Variants in NALF1 observed in about 807,000 individuals in gnomAD.
NALF1 encodes NALCN channel auxiliary factor 1.
Under a neutral mutation model 48.4 loss-of-function variants are expected in NALF1, and 3 were observed. That is an observed-to-expected ratio of 0.06 (90% CI 0.03 to 0.16). NALF1 has a LOEUF of 0.16. Among genes scored for constraint, NALF1 ranks in the 10% least tolerant of loss-of-function variants. The probability of loss-of-function intolerance (pLI) is 1.00; values close to 1 mark genes in which losing one functional copy is unlikely to be tolerated. For synonymous variants in NALF1, 262 were observed against 245.7 expected, an observed-to-expected ratio of 1.07 and a Z score of -0.62; for missense variants, 526 against 571.5, an observed-to-expected ratio of 0.92 and a Z score of 0.81.
intron 1 of NALF1, among the ~76,000 whole-genome samples, chr13:107,318,279 T>G (rs12584865): frequency 6.6e-6 from 1 of 152,128 alleles, no homozygotes; most frequent in Non-Finnish European, 1.5e-5. Context: ...TGTTATCAAC[T>G]GCACAATTCC....
At chr13:107,433,545 T>C (rs1288223412) in intron 1 of NALF1, among the ~76,000 whole-genome samples, 1 of 152,056 alleles carries the variant, frequency 6.6e-6, no homozygotes, top group Non-Finnish European at 1.5e-5. Context: ...CTGCACATTG[T>C]GCACATGTAC....
intron 1 of NALF1, among the ~76,000 whole-genome samples, chr13:107,739,689 C>A (rs1594237833): frequency 6.6e-6 from 1 of 152,246 alleles, no homozygotes; most frequent in South Asian, 2.1e-4. Context: ...TCCCCAACCC[C>A]AGGTCCATTA....
chr13:107,203,957 G>A (rs899058360), intron 2 of NALF1, among the ~76,000 whole-genome samples: 1 of 152,204 alleles, frequency 6.6e-6, no homozygotes, highest in Non-Finnish European at 1.5e-5. Flanking sequence ...GGGAGGCAGA[G>A]CTCTCCCTGC....
chr13:107,439,457 T>C (rs1009865138), intron 1 of NALF1, among the ~76,000 whole-genome samples: 7 of 152,216 alleles, frequency 4.6e-5, no homozygotes, highest in Non-Finnish European at 7.3e-5. Context: ...TATTGATATG[T>C]TGGACTAGGT....
At position 107,189,053 on chromosome 13, in the gene NALF1, T is replaced by C. The variant is rs903013935; in HGVS notation, c.1088-18267A>G. Reference sequence around the variant, plus strand: ...GACTGAAAAACGATACTAAATGAAATGAAAATCAAAGGCCCACATTAAAAT... The same window carrying C: ...GACTGAAAAACGATACTAAATGAAACGAAAATCAAAGGCCCACATTAAAAT... On this transcript the variant is annotated intron_variant, in intron 2 of 2. Coordinates refer to ENST00000375915, the MANE Select transcript of NALF1 (RefSeq NM_001080396.3). Among the ~76,000 whole-genome samples the C allele has an allele frequency of 4.6e-5, 7 of 152,132 alleles. No individual in the cohort carries two copies. In the South Asian group the frequency reaches 6.2e-4, roughly 13 times the overall value.
chr13:107,640,739 T>C (rs147345463), intron 1 of NALF1, among the ~76,000 whole-genome samples: 55 of 152,338 alleles, frequency 3.6e-4, no homozygotes, highest in Non-Finnish European at 6.2e-4. Flanking sequence ...ATATATTTGG[T>C]ATTTGTGTTA....
intron 1 of NALF1, among the ~76,000 whole-genome samples, chr13:107,399,225 A>G (rs572165885): frequency 3.9e-5 from 6 of 152,254 alleles, no homozygotes; most frequent in African/African-American, 1.4e-4. Context: ...GTTGTATACA[A>G]ATTATATAAC....
chr13:107,710,171 GA>G (rs1218835348), intron 1 of NALF1, among the ~76,000 whole-genome samples: 1 of 147,322 alleles, frequency 6.8e-6, no homozygotes, highest in African/African-American at 2.5e-5. Flanking sequence ...AAAGAAACAA[GA>G]AAAAAAAGAA....
chr13:107,528,660 G>T (rs1876523624), intron 1 of NALF1, among the ~76,000 whole-genome samples: 1 of 152,132 alleles, frequency 6.6e-6, no homozygotes, highest in Admixed American at 6.6e-5. Flanking sequence ...GGTCAACATA[G>T]ATAACATAGT....
intron 1 of NALF1, among the ~76,000 whole-genome samples, chr13:107,375,891 C>T (rs1351151145): frequency 6.6e-6 from 1 of 151,866 alleles, no homozygotes; most frequent in Admixed American, 6.6e-5. Flanking sequence ...TGCCCCCTCC[C>T]GATAGTCATG....
intron 1 of NALF1, among the ~76,000 whole-genome samples, chr13:107,717,676 A>T (rs3889434): frequency 7.2e-5 from 11 of 152,018 alleles, no homozygotes; most frequent in African/African-American, 1.2e-4. Flanking sequence ...AACGAAAAGG[A>T]AAAAAAGGAA....
intron 1 of NALF1, among the ~76,000 whole-genome samples, chr13:107,621,095 C>T (rs938777649): frequency 1.3e-5 from 2 of 152,036 alleles, no homozygotes; most frequent in East Asian, 1.9e-4. Flanking sequence ...GTGCAGCATG[C>T]GACTGACAAG....
chr13:107,484,603 C>T (rs868373634), intron 1 of NALF1, among the ~76,000 whole-genome samples: 10 of 152,218 alleles, frequency 6.6e-5, no homozygotes, highest in South Asian at 2.1e-4. Flanking sequence ...TATTGTTGAA[C>T]GAATGACCAT....
At chr13:107,706,811 T>C (rs1566451156) in intron 1 of NALF1, among the ~76,000 whole-genome samples, 2 of 152,204 alleles carry the variant, frequency 1.3e-5, no homozygotes, top group Admixed American at 6.5e-5. Flanking sequence ...TAAGAAAATG[T>C]TTTCTGTTAA....
chr13:107,618,434 C>A (rs1393450656), intron 1 of NALF1, among the ~76,000 whole-genome samples: 1 of 152,034 alleles, frequency 6.6e-6, no homozygotes, highest in African/African-American at 2.4e-5. Flanking sequence ...AAAGGCAAGA[C>A]CCTTGAGTTT....
intron 1 of NALF1, among the ~76,000 whole-genome samples, chr13:107,706,338 T>C (rs1881946820): frequency 6.6e-6 from 1 of 152,228 alleles, no homozygotes; most frequent in Non-Finnish European, 1.5e-5. Context: ...TAGGAAGACA[T>C]ATTATTTAGA....
Position 107,865,804 on chromosome 13 carries a change from C to T in NALF1, c.793G>A (p.Val265Ile), listed in dbSNP as rs202062814. ...TGGTCATAGTCCTGGTAAGCCTCGACGCACTGCCTGCAAGTGGTCATCTCG... is the reference window on the plus strand; with the variant it reads ...TGGTCATAGTCCTGGTAAGCCTCGATGCACTGCCTGCAAGTGGTCATCTCG... ...GGEMTTCRQC[V>I]EAYQDYDHHA... is the part of the protein sequence containing the mutation. Residue 265 changes from valine (V) to isoleucine (I), a missense_variant, in exon 1 of 3, where the codon GTC (valine) becomes ATC (isoleucine). Val to Ile is a conservative substitution (Grantham distance 29). Coordinates refer to ENST00000375915, the MANE Select transcript of NALF1 (RefSeq NM_001080396.3). 1 of 1,614,138 alleles carries T rather than the reference C, an allele frequency of 6.2e-7. No homozygotes were observed. The highest frequency in any genetic ancestry group is 2.2e-5 in the East Asian group (1 of 44,858).
chr13:107,706,966 A>G (rs1408844462), intron 1 of NALF1, among the ~76,000 whole-genome samples: 8 of 105,510 alleles, frequency 7.6e-5, no homozygotes, highest in Non-Finnish European at 1.4e-4. Flanking sequence ...TCTGTCGCCC[A>G]GGCTGGAGTG....
At chr13:107,301,844 G>C (rs1881842744) in intron 1 of NALF1, among the ~76,000 whole-genome samples, 1 of 152,058 alleles carries the variant, frequency 6.6e-6, no homozygotes, top group Non-Finnish European at 1.5e-5. Flanking sequence ...TGACAGCTGT[G>C]GTGGATTAGG....
Sources: gnomAD v4.1 joint callset for allele counts (sites outside exome capture counted in the v4.1 genomes callset) on GRCh38, gnomAD v4.1.1 for gene constraint, MANE v1.5 for transcripts, NCBI Gene and HGNC (gene_info 2026-07-23, HGNC 2026-07-21) for gene names.